CHST2: variants seen among roughly 807,000 people sequenced by gnomAD.
The protein encoded by CHST2 is N-acetylglucosamine 6-O-sulfotransferase 1.
CHST2 carries 23 observed loss-of-function variants against 34.6 expected under a neutral mutation model. That is an observed-to-expected ratio of 0.67 (90% CI 0.48 to 0.94). The LOEUF is 0.94. CHST2 is among the 40% of genes least tolerant of loss of function. The pLI, the probability that CHST2 is intolerant of heterozygous loss-of-function variation, is 0.00. For missense variants in CHST2, 720 were observed against 759.5 expected (o/e 0.95, Z 0.61); for synonymous variants, 392 against 343.1 (o/e 1.14, Z -1.58).
Position 143,121,928 on chromosome 3 carries a change from C to G in CHST2, c.1112C>G (p.Ala371Gly). 1 of 1,578,478 alleles carries G rather than the reference C, an allele frequency of 6.3e-7. No individual in the cohort carries two copies. The highest frequency in any genetic ancestry group is 8.6e-7 in the Non-Finnish European group (1 of 1,161,758). The change falls in exon 2 of 2, where the codon GCC becomes GGC. Residue 371 changes from alanine to glycine, a missense_variant. By Grantham distance (60) the Ala-to-Gly change is moderately conservative. This residue lies in a region of CHST2 where 224 missense variants were observed against 227.8 expected (regional missense o/e 0.98). Transcript: ENST00000309575. Reference protein sequence around the residue: ...PRAHRMPFLEAAGHKLGAKKE... With the variant: ...PRAHRMPFLEGAGHKLGAKKE... ...GCTCACCGCATGCCCTTCTTGGAGG[C>G]CGCGGGCCACAAGCTTGGCGCCAAG...
rs370818111 is a variant in CHST2, at chr3:143,121,252, G to T, written c.436G>T (p.Val146Phe). ...APAAAAGMAG[V>F]AAPPGNGTRG... is the part of the protein sequence containing the mutation. Reference sequence around the variant, plus strand: ...TGCAGCCGCGGCAGGGATGGCGGGGGTTGCGGCCCCTCCAGGCAATGGCAC... The same window carrying T: ...TGCAGCCGCGGCAGGGATGGCGGGGTTTGCGGCCCCTCCAGGCAATGGCAC... Residue 146 changes from valine (V) to phenylalanine (F), a missense_variant, in exon 2 of 2, where the codon GTT becomes TTT. Physicochemically the swap from Val to Phe is conservative, Grantham distance 50 (BLOSUM62 -1). Coordinates refer to ENST00000309575, the MANE Select transcript of CHST2 (RefSeq NM_004267.5). 2.1e-5 allele frequency: 34 copies of T among 1,590,404 alleles called. No individual in the cohort carries two copies. The African/African-American group carries it at 4.3e-4, about 20-fold the overall frequency.
chr3:143,120,705 G>C lies in CHST2; in HGVS notation c.-112G>C. 9.5e-7 allele frequency: 1 copy of C among 1,051,168 alleles called. No homozygotes were observed. The highest frequency in any genetic ancestry group is 4.8e-5 in the South Asian group (1 of 20,772). 65.1% of individuals were successfully genotyped at this position (1,051,168 alleles called of 1,614,324 possible). On this transcript the variant is annotated 5_prime_UTR_variant, in exon 2 of 2. Coordinates refer to ENST00000309575, the MANE Select transcript of CHST2 (RefSeq NM_004267.5). This position sits in a 1 kb window ranked among gnomAD's most constrained non-coding sequence, Gnocchi z 4.1. ...TTGGGCGCTGGGGACCAGCCGCCGCGCCCGCCTCGGAGTCGCGGCCCGAGT... is the reference window on the plus strand; with the variant it reads ...TTGGGCGCTGGGGACCAGCCGCCGCCCCCGCCTCGGAGTCGCGGCCCGAGT...
rs755403863 is a variant in CHST2 at position 143,121,251 on chromosome 3, G to T, written c.435G>T (p.Gly145=). Residue 145 remains glycine, a synonymous_variant, in exon 2 of 2, where the codon GGG becomes GGT. Coordinates refer to ENST00000309575, the MANE Select transcript of CHST2 (RefSeq NM_004267.5). ...CTGCAGCCGCGGCAGGGATGGCGGG[G>T]GTTGCGGCCCCTCCAGGCAATGGCA... The part of the protein sequence containing the change: ...AAPAAAAGMA[G]VAAPPGNGTR... 2 of 1,589,672 alleles carry T rather than the reference G, an allele frequency of 1.3e-6. No individual in the cohort carries two copies. The highest frequency in any genetic ancestry group is 1.7e-6 in the Non-Finnish European group (2 of 1,170,256).
At position 143,122,336 on chromosome 3, in the gene CHST2, G is replaced by A; in HGVS notation, c.1520G>A (p.Gly507Asp). The A allele has an allele frequency of 1.2e-6, 2 of 1,613,976 alleles. No homozygotes were observed. Among genetic ancestry groups the A allele is most frequent in the Non-Finnish European group, 1.7e-6 (2 of 1,180,014 alleles). The stretch of plus-strand genomic sequence containing the variant: ...TGCTACCAGCCCATGGCCGTCCTGG[G>A]CTATGAGCGGGTCAACAGCCCTGAG... ...EFCYQPMAVL[G>D]YERVNSPEEV... Residue 507 changes from glycine (G) to aspartate (D), a missense_variant, in exon 2 of 2, where the codon GGC becomes GAC. Gly to Asp is a moderately conservative substitution (Grantham distance 94). Around this residue, in one of 4 missense-constraint regions of CHST2, gnomAD observed 224 missense variants for 227.8 expected, o/e 0.98. Coordinates refer to ENST00000309575, the MANE Select transcript of CHST2 (RefSeq NM_004267.5).
Position 143,120,473 on chromosome 3 carries a change from A to C in CHST2, c.-242A>C. On this transcript the variant is annotated 5_prime_UTR_variant, in exon 1 of 2. Coordinates refer to ENST00000309575, the MANE Select transcript of CHST2 (RefSeq NM_004267.5). This position sits in a 1 kb window ranked among gnomAD's most constrained non-coding sequence, Gnocchi z 4.1. ...AAGCGAGAGGGAGCGAAATCGAGGA[A>C]CGAGTGACAGCCGGACAGTCCGCCG... 9.7e-5 allele frequency: 17 copies of C among 175,436 alleles called. No homozygotes were observed. The highest frequency in any genetic ancestry group is 2.2e-3 in the Middle Eastern group (1 of 456). 10.9% of individuals were successfully genotyped at this position (175,436 alleles called of 1,614,324 possible).
chr3:143,121,566 C>T lies in CHST2; in HGVS notation c.750C>T (p.Phe250=), dbSNP rs138622067. 73 of 1,609,774 alleles carry T rather than the reference C, an allele frequency of 4.5e-5. No individual in the cohort carries two copies. In the African/African-American group the frequency reaches 4.9e-4, roughly 11 times the overall value. Residue 250 remains phenylalanine, a synonymous_variant, in exon 2 of 2, where the codon TTC becomes TTT. Transcript: ENST00000309575. ...GGRNLTTLGI[F]GAATNKVVCS... ...GCAACCTCACCACGCTGGGCATCTT[C>T]GGCGCAGCCACCAACAAGGTGGTGT...
rs777297269 is a variant in CHST2 at position 143,121,182 on chromosome 3, C to A, written c.366C>A (p.Leu122=). The change falls in exon 2 of 2, where the codon CTC becomes CTA. Residue 122 remains leucine, a synonymous_variant. Coordinates refer to ENST00000309575, the MANE Select transcript of CHST2 (RefSeq NM_004267.5). The stretch of plus-strand genomic sequence containing the variant: ...CCCGTGCTCATGCCCGTTTGGACCT[C>A]CGCACTCCTTACCGCCCTCCCGCTG... ...GPPRAHARLD[L]RTPYRPPAAA... is the part of the protein sequence containing the mutation. The A allele has an allele frequency of 6.5e-7, 1 of 1,539,074 alleles. No individual in the cohort carries two copies. The highest frequency in any genetic ancestry group is 1.4e-5 in the African/African-American group (1 of 73,068).
Position 143,121,545 on chromosome 3 carries a change from C to G in CHST2, c.729C>G (p.Asn243Lys). The G allele has an allele frequency of 6.2e-7, 1 of 1,610,646 alleles. No homozygotes were observed. The highest frequency in any genetic ancestry group is 8.5e-7 in the Non-Finnish European group (1 of 1,178,354). The stretch of plus-strand genomic sequence containing the variant: ...GCCCCGCGGGCAGCGGGGGGCGCAA[C>G]CTCACCACGCTGGGCATCTTCGGCG... ...LYSPAGSGGR[N>K]LTTLGIFGAA... Residue 243 changes from asparagine to lysine, a missense_variant, in exon 2 of 2, where the codon AAC becomes AAG. Transcript: ENST00000309575.
Position 143,122,493 on chromosome 3 carries a change from C to T in CHST2, c.*84C>T. 7.5e-7 allele frequency: 1 copy of T among 1,336,742 alleles called. No homozygotes were observed. The highest frequency in any genetic ancestry group is 1.6e-5 in the South Asian group (1 of 63,506). The allele number at this position is 1,336,742 out of a possible 1,614,324, so 82.8% of individuals were successfully genotyped here. Reference sequence around the variant, plus strand: ...TGTTTAAATAAACACAGTCCAGACTCAAACGGAGGAAGCCCACATATTCTA... The same window carrying T: ...TGTTTAAATAAACACAGTCCAGACTTAAACGGAGGAAGCCCACATATTCTA... On this transcript the variant is annotated 3_prime_UTR_variant, in exon 2 of 2. Transcript: ENST00000309575.
rs1388077905 is a variant in CHST2 at position 143,122,378 on chromosome 3, G to T, written c.1562G>T (p.Ser521Ile). The change falls in exon 2 of 2, where the codon AGC becomes ATC. Residue 521 changes from serine to isoleucine, a missense_variant. Around this residue, in one of 4 missense-constraint regions of CHST2, gnomAD observed 224 missense variants for 227.8 expected, o/e 0.98. Coordinates refer to ENST00000309575, the MANE Select transcript of CHST2 (RefSeq NM_004267.5). ...VNSPEEVKDL[S>I]KTLLRKPRL ...AGCCCTGAGGAGGTCAAAGACCTCA[G>T]CAAGACCCTGCTTCGGAAGCCCCGT... is the stretch of plus-strand genomic sequence containing the variant. The T allele has an allele frequency of 6.2e-7, 1 of 1,604,724 alleles. No individual in the cohort carries two copies. The highest frequency in any genetic ancestry group is 1.3e-5 in the African/African-American group (1 of 74,452).
Position 143,121,077 on chromosome 3 carries a change from C to T in CHST2, c.261C>T (p.Asn87=). 4 of 1,509,596 alleles carry T rather than the reference C, an allele frequency of 2.6e-6. No individual in the cohort carries two copies. Among genetic ancestry groups the T allele is most frequent in the South Asian group, 1.3e-5 (1 of 79,608 alleles). The allele number at this position is 1,509,596 out of a possible 1,614,324, so 93.5% of individuals were successfully genotyped here. Residue 87 remains asparagine, a synonymous_variant, in exon 2 of 2, where the codon AAC becomes AAT. Transcript: ENST00000309575. ...ACAAGGAGCCGCTGCAGCAGTGCAA[C>T]CCCGATGGGCCGCTGGGTGCCGCAG... ...KWHKEPLQQC[N]PDGPLGAAAG...
chr3:143,121,407 G>A lies in CHST2; in HGVS notation c.591G>A (p.Val197=). The stretch of plus-strand genomic sequence containing the variant: ...AGGTGTTCTTTCTCTACGAGCCAGT[G>A]TGGCATGTATGGCAAAAACTGTATC... ...NPEVFFLYEP[V]WHVWQKLYPG... The change falls in exon 2 of 2, where the codon GTG becomes GTA. Residue 197 remains valine, a synonymous_variant. Coordinates refer to ENST00000309575, the MANE Select transcript of CHST2 (RefSeq NM_004267.5). 1 of 1,613,946 alleles carries A rather than the reference G, an allele frequency of 6.2e-7. No individual in the cohort carries two copies.
rs772166218 is a variant in CHST2, at chr3:143,121,201, C to A, written c.385C>A (p.Pro129Thr). The A allele has an allele frequency of 6.4e-7, 1 of 1,559,076 alleles. No homozygotes were observed. The highest frequency in any genetic ancestry group is 1.9e-5 in the Admixed American group (1 of 53,266). ...GGACCTCCGCACTCCTTACCGCCCT[C>A]CCGCTGCCGCCGTCGGGGCGGCTCC... Reference protein sequence around the residue: ...RLDLRTPYRPPAAAVGAAPAA... With the variant: ...RLDLRTPYRPTAAAVGAAPAA... The change falls in exon 2 of 2, where the codon CCC becomes ACC. Residue 129 changes from proline to threonine, a missense_variant. Pro to Thr is a conservative substitution (Grantham distance 38). Coordinates refer to ENST00000309575, the MANE Select transcript of CHST2 (RefSeq NM_004267.5).
At position 143,120,387 on chromosome 3, in the gene CHST2, C is replaced by G. The variant is rs1230325681; in HGVS notation, c.-328C>G. 3 of 154,090 alleles carry G rather than the reference C, an allele frequency of 1.9e-5. No homozygotes were observed. The highest frequency in any genetic ancestry group is 4.3e-5 in the Non-Finnish European group (3 of 69,270). 9.5% of individuals were successfully genotyped at this position (154,090 alleles called of 1,614,324 possible). A position where few individuals can be genotyped will look rare whatever the true frequency, so the allele number is the denominator to read the frequency against. On this transcript the variant is annotated 5_prime_UTR_variant, in exon 1 of 2. Transcript: ENST00000309575. The surrounding 1 kb of genome is among the most constrained non-coding windows in gnomAD (Gnocchi z 4.1). ...CCGCAGGGCGCCCGCTGCCCGGAAA[C>G]TGCCCAGGGATAAGTCGGCCGACTC...
Position 143,121,005 on chromosome 3 carries a change from A to G in CHST2, c.189A>G (p.Ala63=), listed in dbSNP as rs1216543781. The stretch of plus-strand genomic sequence containing the variant: ...CGCTGGTGTTGTGCGCGGGCTATGC[A>G]CTGCTGCTGGTGCTCACTATGCTCA... The part of the protein sequence containing the change: ...RKALVLCAGY[A]LLLVLTMLNL... Residue 63 remains alanine (A), a synonymous_variant, in exon 2 of 2, where the codon GCA becomes GCG. Transcript: ENST00000309575. 2 of 1,543,150 alleles carry G rather than the reference A, an allele frequency of 1.3e-6. No individual in the cohort carries two copies. Among genetic ancestry groups the G allele is most frequent in the Non-Finnish European group, 1.7e-6 (2 of 1,145,604 alleles).
rs1254127165 is a variant in CHST2 at position 143,122,014 on chromosome 3, A to G, written c.1198A>G (p.Asn400Asp). The G allele has an allele frequency of 3.7e-6, 6 of 1,609,940 alleles. No individual in the cohort carries two copies. Among genetic ancestry groups the G allele is most frequent in the South Asian group, 1.1e-5 (1 of 90,744 alleles). Residue 400 changes from asparagine (N) to aspartate (D), a missense_variant, in exon 2 of 2, where the codon AAT becomes GAT. Asn to Asp is a conservative substitution (Grantham distance 23). This residue lies in a region of CHST2 where 224 missense variants were observed against 227.8 expected (regional missense o/e 0.98). Coordinates refer to ENST00000309575, the MANE Select transcript of CHST2 (RefSeq NM_004267.5). ...TCTGGGCGCTATGGAGGTCATCTGC[A>G]ATAGTATGGCTAAGACGCTGCAGAC... is the stretch of plus-strand genomic sequence containing the variant. ...HALGAMEVIC[N>D]SMAKTLQTAL... is the part of the protein sequence containing the mutation.
chr3:143,120,621 G>A lies in CHST2; in HGVS notation c.-173-23G>A. ...CTGGGAGGGAGATTGGGGCGCATCC[G>A]CTCACTCCGCTTCCCCTCGCAGGTC... On this transcript the variant is annotated intron_variant, in intron 1 of 1. Coordinates refer to ENST00000309575, the MANE Select transcript of CHST2 (RefSeq NM_004267.5). This position sits in a 1 kb window ranked among gnomAD's most constrained non-coding sequence, Gnocchi z 4.1. 2.9e-6 allele frequency: 1 copy of A among 343,688 alleles called. No individual in the cohort carries two copies. The highest frequency in any genetic ancestry group is 4.9e-6 in the Non-Finnish European group (1 of 203,116). The allele number at this position is 343,688 out of a possible 1,614,324, so 21.3% of individuals were successfully genotyped here.
At position 143,122,411 on chromosome 3, in the gene CHST2, A is replaced by AG; in HGVS notation, c.*6dup. On this transcript the variant is annotated 3_prime_UTR_variant, in exon 2 of 2. Coordinates refer to ENST00000309575, the MANE Select transcript of CHST2 (RefSeq NM_004267.5). Reference sequence around the variant, plus strand: ...CTGCTTCGGAAGCCCCGTCTCTAAAAGGGGTTCCCAGGAGACCTGATTCCC... The same window carrying AG: ...CTGCTTCGGAAGCCCCGTCTCTAAAAGGGGGTTCCCAGGAGACCTGATTCCC... The AG allele has an allele frequency of 6.4e-7, 1 of 1,568,954 alleles. No homozygotes were observed. Among genetic ancestry groups the AG allele is most frequent in the South Asian group, 1.2e-5 (1 of 84,148 alleles).
In CHST2 at chr3:143,121,834, T is replaced by G; in HGVS notation, c.1018T>G (p.Ser340Ala). 1 of 1,591,914 alleles carries G rather than the reference T, an allele frequency of 6.3e-7. No homozygotes were observed. Among genetic ancestry groups the G allele is most frequent in the South Asian group, 1.1e-5 (1 of 89,400 alleles). Residue 340 changes from serine (S) to alanine (A), a missense_variant, in exon 2 of 2, where the codon TCA (serine) becomes GCA (alanine). Around this residue, in one of 4 missense-constraint regions of CHST2, gnomAD observed 166 missense variants for 211.4 expected, o/e 0.79. Coordinates refer to ENST00000309575, the MANE Select transcript of CHST2 (RefSeq NM_004267.5). The part of the protein sequence containing the change: ...LVRDPRAVAS[S>A]RIRSRHGLIR... ...GCGTGATCCCCGCGCGGTGGCGAGT[T>G]CACGGATCCGCTCGCGCCACGGCCT...
Sources: allele counts gnomAD v4.1 joint callset, GRCh38; gene constraint gnomAD v4.1.1; regional missense constraint gnomAD v4.1.1; non-coding constraint Gnocchi (gnomAD v3.1); transcripts MANE v1.5; gene names NCBI Gene and HGNC (gene_info 2026-07-23, HGNC 2026-07-21).